Variants in GDA observed in about 807,000 individuals in gnomAD.
GDA encodes guanine deaminase, also known as cytoplasmic PSD-95 interactor.
GDA carries 18 observed loss-of-function variants against 59.6 expected under a neutral mutation model. That is an observed-to-expected ratio of 0.30 (90% CI 0.21 to 0.45). GDA has a LOEUF of 0.45. GDA is among the 20% of genes least tolerant of loss of function. The probability of loss-of-function intolerance (pLI) is 1.00; values close to 1 mark genes in which losing one functional copy is unlikely to be tolerated. For missense variants in GDA, 427 were observed against 552.3 expected, an observed-to-expected ratio of 0.77 and a Z score of 2.27; for synonymous variants, 201 against 201.1, an observed-to-expected ratio of 1.00 and a Z score of 0.00.
intron 2 of GDA, among the ~76,000 whole-genome samples, chr9:72,199,462 C>G (rs182657296): frequency 6.6e-6 from 1 of 152,300 alleles, no homozygotes; most frequent in Non-Finnish European, 1.5e-5. Context: ...ATCTTTCACT[C>G]TCTCATCTCA....
intron 9 of GDA, among the ~76,000 whole-genome samples, chr9:72,230,276 T>C (rs190454178): frequency 8.1e-4 from 124 of 152,194 alleles, no homozygotes; most frequent in Non-Finnish European, 1.6e-3. Context: ...GAGGATCACC[T>C]GAGGTCAAGA....
chr9:72,210,635 A>G, intron 3 of GDA, 52 bp from the exon 4 acceptor site: 5 of 972,170 alleles, frequency 5.1e-6, no homozygotes, highest in Non-Finnish European at 6.7e-6. Flanking sequence ...TGGATGTACC[A>G]TGTGACTTTT....
At chr9:72,189,483 C>T (rs766946174) in intron 1 of GDA, among the ~76,000 whole-genome samples, 8 of 151,980 alleles carry the variant, frequency 5.3e-5, no homozygotes, top group African/African-American at 9.7e-5. Context: ...TGACCTGAGA[C>T]TCTGGACTTT....
At chr9:72,173,072 G>A (rs1423400127) in intron 1 of GDA, among the ~76,000 whole-genome samples, 1 of 152,142 alleles carries the variant, frequency 6.6e-6, no homozygotes, top group Non-Finnish European at 1.5e-5. Flanking sequence ...AGCAACACAC[G>A]CAGATTCTCT....
intron 1 of GDA, among the ~76,000 whole-genome samples, chr9:72,186,123 A>G (rs1052809151): frequency 1.3e-5 from 2 of 152,222 alleles, no homozygotes; most frequent in Non-Finnish European, 2.9e-5. Flanking sequence ...GGTTTCCTGC[A>G]TAAATCCAGG....
chr9:72,116,751 A>T (rs1327974265), intron 1 of GDA, among the ~76,000 whole-genome samples: 2 of 151,996 alleles, frequency 1.3e-5, no homozygotes, highest in Non-Finnish European at 2.9e-5. Flanking sequence ...AGAACTAAAA[A>T]TATATTCATA....
chr9:72,231,362 G>A (rs1432666236), intron 10 of GDA, among the ~76,000 whole-genome samples, 181 bp downstream of exon 10: 1 of 151,916 alleles, frequency 6.6e-6, no homozygotes, highest in African/African-American at 2.4e-5. Flanking sequence ...GGATCATGAG[G>A]TCAGGAGTTC....
intron 1 of GDA, among the ~76,000 whole-genome samples, chr9:72,157,948 C>A (rs1828123902): frequency 1.3e-5 from 2 of 152,192 alleles, no homozygotes; most frequent in Admixed American, 1.3e-4. Context: ...CACATCATGT[C>A]CTTTTATGCC....
chr9:72,205,351 T>G (rs993801145), intron 3 of GDA, among the ~76,000 whole-genome samples: 1 of 152,154 alleles, frequency 6.6e-6, no homozygotes, highest in Non-Finnish European at 1.5e-5. Context: ...CTTCCCTTTC[T>G]CAGGGGTCTC....
Position 72,202,728 on chromosome 9 carries a change from T to C in GDA, c.370T>C (p.Tyr124His), listed in dbSNP as rs1834155583. ...GAACATCGACTTTGCAGAAGAAGTA[T>C]ATACCAGAGTTGTCGTAAGTATCTT... ...FQNIDFAEEV[Y>H]TRVVRRTLKN... Residue 124 changes from tyrosine (Y) to histidine (H), a missense_variant, in exon 3 of 14, where the codon TAT (tyrosine) becomes CAT (histidine). Transcript: ENST00000358399. 1.9e-6 allele frequency: 3 copies of C among 1,612,256 alleles called. No individual in the cohort carries two copies.
At chr9:72,156,458 G>C (rs920580087) in intron 1 of GDA, among the ~76,000 whole-genome samples, 1 of 152,180 alleles carries the variant, frequency 6.6e-6, no homozygotes, top group Non-Finnish European at 1.5e-5. Flanking sequence ...TTGGTCCTGA[G>C]AAAGGAAACT....
intron 1 of GDA, among the ~76,000 whole-genome samples, chr9:72,123,246 C>G (rs35436292): frequency 0.028 from 3,955 of 140,572 alleles, 62 homozygotes; most frequent in Middle Eastern, 0.056. Flanking sequence ...TGCAGTGGCG[C>G]GATCTCGGCT....
At chr9:72,158,375 C>T (rs1244718247) in intron 1 of GDA, among the ~76,000 whole-genome samples, 2 of 151,968 alleles carry the variant, frequency 1.3e-5, no homozygotes, top group African/African-American at 4.8e-5. Flanking sequence ...GGGCTCATCA[C>T]GAGGTCAGGA....
At chr9:72,115,550 G>A (rs1273014036) in intron 1 of GDA, among the ~76,000 whole-genome samples, 4 of 152,154 alleles carry the variant, frequency 2.6e-5, no homozygotes, top group Non-Finnish European at 5.9e-5. Flanking sequence ...GTATTGTGAT[G>A]TACAAGATAG....
chr9:72,253,961 A>T (rs145446964), downstream of GDA, among the ~76,000 whole-genome samples: 36 of 151,492 alleles, frequency 2.4e-4, no homozygotes, highest in East Asian at 5.8e-3. Flanking sequence ...TAGTAATAAT[A>T]AAAAAAAAGA....
At chr9:72,135,217 C>T (rs946174357) in intron 1 of GDA, among the ~76,000 whole-genome samples, 4 of 143,492 alleles carry the variant, frequency 2.8e-5, no homozygotes, top group South Asian at 2.1e-4. Flanking sequence ...TCATGGCCTA[C>T]GTACGTGTGT....
intron 1 of GDA, among the ~76,000 whole-genome samples, chr9:72,177,581 G>GA (rs556049904): frequency 8.0e-5 from 12 of 149,368 alleles, no homozygotes; most frequent in Admixed American, 2.7e-4. Flanking sequence ...TTTTGCAAAA[G>GA]AAAAAAAAAC....
rs1587816542 is a variant in GDA at position 72,249,492 on chromosome 9, A to T, written c.*1150A>T. ...ATAATGTTTAGGATATTAAAATTTT[A>T]GGATAATGAAGAGTACATAATGTCC... On this transcript the variant is annotated 3_prime_UTR_variant, in exon 14 of 14. Coordinates refer to ENST00000358399, the MANE Select transcript of GDA (RefSeq NM_004293.5). The T allele has an allele frequency of 4.4e-6, 3 of 675,432 alleles. No individual in the cohort carries two copies. The East Asian group carries it at 4.1e-4, about 92-fold the overall frequency. 41.8% of individuals were successfully genotyped at this position (675,432 alleles called of 1,614,324 possible).
intron 1 of GDA, among the ~76,000 whole-genome samples, chr9:72,194,726 TG>T (rs1443672282): frequency 2.0e-5 from 3 of 152,178 alleles, no homozygotes; most frequent in Non-Finnish European, 4.4e-5. Flanking sequence ...GGACCTAGAC[TG>T]GCTTTTAAGT....
Sources: allele counts gnomAD v4.1 joint callset (sites outside exome capture counted in the v4.1 genomes callset), GRCh38; gene constraint gnomAD v4.1.1; transcripts MANE v1.5; gene names NCBI Gene and HGNC (gene_info 2026-07-23, HGNC 2026-07-21).